LMNTD1: variants seen among roughly 807,000 people sequenced by gnomAD.
The protein encoded by LMNTD1 is lamin tail domain-containing protein 1.
Under a neutral mutation model 50.9 loss-of-function variants are expected in LMNTD1, and 35 were observed. That is an observed-to-expected ratio of 0.69 (90% CI 0.53 to 0.91). LMNTD1 has a LOEUF of 0.91. Ranked by LOEUF, LMNTD1 falls within the 40% of genes least tolerant of loss-of-function variation. LMNTD1 has a pLI of 0.00. For synonymous variants in LMNTD1, 153 were observed against 161.9 expected, an observed-to-expected ratio of 0.94 and a Z score of 0.42; for missense variants, 470 against 475.5, an observed-to-expected ratio of 0.99 and a Z score of 0.11.
intron 8 of LMNTD1, among the ~76,000 whole-genome samples, chr12:25,509,261 C>T (rs773999166): frequency 3.9e-5 from 6 of 152,086 alleles, no homozygotes; most frequent in East Asian, 1.9e-4. Context: ...GTGCACACCA[C>T]CATGCTCAGC....
chr12:25,585,494 G>A (rs570316411), intron 1 of LMNTD1, among the ~76,000 whole-genome samples: 2 of 152,244 alleles, frequency 1.3e-5, no homozygotes, highest in Non-Finnish European at 2.9e-5. Context: ...CTTAACTCAA[G>A]GGAGATATTT....
At chr12:25,546,798 TA>T (rs1943463195) in intron 3 of LMNTD1, among the ~76,000 whole-genome samples, 1 of 151,712 alleles carries the variant, frequency 6.6e-6, no homozygotes, top group Non-Finnish European at 1.5e-5. Context: ...TCTTAAACAA[TA>T]AATTATATCA....
intron 9 of LMNTD1, among the ~76,000 whole-genome samples, chr12:25,491,998 G>A (rs1019620209): frequency 1.2e-4 from 18 of 152,290 alleles, no homozygotes; most frequent in Admixed American, 5.9e-4. Flanking sequence ...AGAGATATAC[G>A]TCCAGAAATC....
chr12:25,606,241 G>A (rs926180124), intron 1 of LMNTD1, among the ~76,000 whole-genome samples: 46 of 152,210 alleles, frequency 3.0e-4, no homozygotes, highest in African/African-American at 4.3e-4. Context: ...GGGCTGAGAC[G>A]ATGGGGTTTT....
chr12:25,628,679 C>T (rs1344383030), intron 1 of LMNTD1, among the ~76,000 whole-genome samples: 1 of 152,122 alleles, frequency 6.6e-6, no homozygotes, highest in African/African-American at 2.4e-5. Flanking sequence ...AGAGAGAAGG[C>T]CATGCGACAA....
intron 4 of LMNTD1, among the ~76,000 whole-genome samples, chr12:25,540,999 C>T (rs1419962133): frequency 7.6e-6 from 1 of 132,166 alleles, no homozygotes; most frequent in African/African-American, 2.7e-5. Context: ...GAATAAAATA[C>T]CTAGGAATCC....
intron 4 of LMNTD1, among the ~76,000 whole-genome samples, chr12:25,527,586 T>G (rs1235241767): frequency 1.4e-5 from 2 of 144,196 alleles, no homozygotes; most frequent in African/African-American, 5.1e-5. Context: ...AAATAAGATA[T>G]ATCTGTACCA....
At chr12:25,597,422 T>A (rs1254353579) in intron 1 of LMNTD1, among the ~76,000 whole-genome samples, 1 of 152,106 alleles carries the variant, frequency 6.6e-6, no homozygotes, top group Non-Finnish European at 1.5e-5. Flanking sequence ...GGTCACTATA[T>A]AATGATAAAG....
intron 1 of LMNTD1, among the ~76,000 whole-genome samples, chr12:25,562,365 T>C (rs1414358880): frequency 1.3e-5 from 2 of 152,208 alleles, no homozygotes; most frequent in African/African-American, 4.8e-5. Context: ...TGTTTGTCTG[T>C]AAAGGATTTT....
chr12:25,565,453 A>G (rs1189787780), intron 1 of LMNTD1, among the ~76,000 whole-genome samples: 2 of 152,216 alleles, frequency 1.3e-5, no homozygotes, highest in Non-Finnish European at 2.9e-5. Flanking sequence ...CAACCTAACA[A>G]GCAAAAAGAA....
At chr12:25,523,265 C>G (rs1185798852) in intron 6 of LMNTD1, among the ~76,000 whole-genome samples, 1 of 152,162 alleles carries the variant, frequency 6.6e-6, no homozygotes, top group Admixed American at 6.5e-5. Flanking sequence ...AACTCCTGAC[C>G]TTGTGATCCG....
chr12:25,538,197 C>T (rs1337036222), intron 4 of LMNTD1, among the ~76,000 whole-genome samples: 3 of 77,800 alleles, frequency 3.9e-5, no homozygotes, highest in African/African-American at 1.2e-4. Context: ...GGCAGGCCAA[C>T]ATTCAGATTC....
intron 1 of LMNTD1, among the ~76,000 whole-genome samples, chr12:25,622,719 C>T (rs1005152650): frequency 4.6e-5 from 7 of 152,106 alleles, no homozygotes; most frequent in South Asian, 4.1e-4. Flanking sequence ...TAAGATTACA[C>T]TCTGACCTCA....
At chr12:25,493,451 A>G (rs889400041) in intron 9 of LMNTD1, among the ~76,000 whole-genome samples, 1 of 152,180 alleles carries the variant, frequency 6.6e-6, no homozygotes, top group Non-Finnish European at 1.5e-5. Flanking sequence ...TGTAGAACCA[A>G]TTGTTGCTTC....
At chr12:25,594,664 A>AAAAAAAAAAAAAAAAAAAAAAC (rs1945799794) in intron 1 of LMNTD1, among the ~76,000 whole-genome samples, 1 of 150,534 alleles carries the variant, frequency 6.6e-6, no homozygotes, top group African/African-American at 2.4e-5. Flanking sequence ...AAAAAAAAAA[A>AAAAAAAAAAAAAAAAAAAAAAC]AAAAAAAAAA....
chr12:25,608,794 G>A (rs1946178368), intron 1 of LMNTD1, among the ~76,000 whole-genome samples: 1 of 152,140 alleles, frequency 6.6e-6, no homozygotes, highest in Non-Finnish European at 1.5e-5. Flanking sequence ...TAACAATTAT[G>A]TGTCTTGGGG....
chr12:25,591,853 G>GAGAGAGAGAGAGAC (rs1945709372), intron 1 of LMNTD1, among the ~76,000 whole-genome samples: 1 of 149,490 alleles, frequency 6.7e-6, no homozygotes, highest in South Asian at 2.1e-4. Context: ...GAGAGAGAGA[G>GAGAGAGAGAGAGAC]AGAGACTCTA....
upstream of LMNTD1, among the ~76,000 whole-genome samples, chr12:25,556,174 T>C (rs952398180): frequency 2.0e-5 from 3 of 152,122 alleles, no homozygotes; most frequent in Non-Finnish European, 4.4e-5. Context: ...GGTTTCGCCA[T>C]GTTGGCCGGG....
chr12:25,533,278 A>G (rs550565962), intron 4 of LMNTD1, among the ~76,000 whole-genome samples: 2 of 152,246 alleles, frequency 1.3e-5, no homozygotes, highest in African/African-American at 4.8e-5. Context: ...CTTTAATAGG[A>G]AAGTGACCTG....
Sources: gnomAD v4.1 joint callset for allele counts (sites outside exome capture counted in the v4.1 genomes callset) on GRCh38, gnomAD v4.1.1 for gene constraint, MANE v1.5 for transcripts, NCBI Gene and HGNC (gene_info 2026-07-23, HGNC 2026-07-21) for gene names.